Variants in DYNC1LI2 observed in about 807,000 individuals in gnomAD.
The protein encoded by DYNC1LI2 is dynein cytoplasmic 1 light intermediate chain 2.
In DYNC1LI2, 19 loss-of-function variants were observed where a neutral mutation model predicts 57.8. The observed-to-expected ratio is 0.33, with a 90% confidence interval of 0.23 to 0.48. The LOEUF (loss-of-function observed/expected upper bound fraction) is 0.48. DYNC1LI2 is among the 20% of genes least tolerant of loss of function. The probability of loss-of-function intolerance (pLI) is 0.99; values close to 1 mark genes in which losing one functional copy is unlikely to be tolerated. For missense variants in DYNC1LI2, 470 were observed against 604.2 expected (o/e 0.78, Z 2.33); for synonymous variants, 256 against 233.4 (o/e 1.10, Z -0.88).
intron 3 of DYNC1LI2, among the ~76,000 whole-genome samples, chr16:66,746,828 G>A (rs1435053507): frequency 6.6e-6 from 1 of 152,198 alleles, no homozygotes; most frequent in Non-Finnish European, 1.5e-5. Context: ...GTACAGAGTG[G>A]TTAAGTCAGT....
At chr16:66,745,455 T>G (rs946973504) in intron 3 of DYNC1LI2, among the ~76,000 whole-genome samples, 1 of 151,714 alleles carries the variant, frequency 6.6e-6, no homozygotes, top group East Asian at 2.0e-4. Flanking sequence ...TTTTTGTATT[T>G]TTAGTAGAAA....
intron 4 of DYNC1LI2, among the ~76,000 whole-genome samples, chr16:66,737,430 G>T (rs573216832): frequency 6.7e-6 from 1 of 149,442 alleles, no homozygotes; most frequent in Non-Finnish European, 1.5e-5. Context: ...AGGCTGAGGC[G>T]GGAGACTCAG....
At chr16:66,736,519 T>C (rs1324089496) in intron 4 of DYNC1LI2, among the ~76,000 whole-genome samples, 2 of 152,166 alleles carry the variant, frequency 1.3e-5, no homozygotes, top group African/African-American at 2.4e-5. Context: ...GGTTTTTTTT[T>C]CTTCTTTTTT....
intron 5 of DYNC1LI2, 102 bp downstream of exon 5, chr16:66,735,973 C>G (rs890670631): frequency 2.7e-6 from 4 of 1,459,038 alleles, no homozygotes; most frequent in African/African-American, 2.8e-5. Context: ...CAAATAAGCC[C>G]AAGTCTCCCT....
In DYNC1LI2 at chr16:66,732,446, C is replaced by G; in HGVS notation, c.822G>C (p.Val274=). ...ACAAGTCGAGGTTTTTCTCTTCTTT[C>G]ACTGATGTGTAAATCAAGGCAGCTC... The part of the protein sequence containing the change: ...QYGAALIYTS[V]KEEKNLDLLY... Residue 274 remains valine (V), a synonymous_variant, in exon 7 of 13, where the codon GTG becomes GTC. Transcript: ENST00000258198. The G allele has an allele frequency of 1.9e-6, 3 of 1,613,236 alleles. No homozygotes were observed. The highest frequency in any genetic ancestry group is 2.5e-6 in the Non-Finnish European group (3 of 1,179,944).
At position 66,730,071 on chromosome 16, in the gene DYNC1LI2, G is replaced by C. The variant is rs1252222953; in HGVS notation, c.1041+41C>G. 1.9e-6 allele frequency: 3 copies of C among 1,570,256 alleles called. No individual in the cohort carries two copies. The African/African-American group carries it at 4.1e-5, about 21-fold the overall frequency. On this transcript the variant is annotated intron_variant, in intron 8 of 12. Transcript: ENST00000258198. Reference sequence around the variant, plus strand: ...GCTGGGATTACAGGCATCAGCCACCGCGCCCGGCCCTAAACCCTTAAAGCA... The same window carrying C: ...GCTGGGATTACAGGCATCAGCCACCCCGCCCGGCCCTAAACCCTTAAAGCA...
intron 5 of DYNC1LI2, among the ~76,000 whole-genome samples, chr16:66,734,618 G>A (rs1194623967): frequency 6.6e-6 from 1 of 151,880 alleles, no homozygotes; most frequent in African/African-American, 2.4e-5. Flanking sequence ...CCACTCCACA[G>A]GGCTCCATTC....
In DYNC1LI2 at chr16:66,723,343, C is replaced by T. The variant is rs965104618; in HGVS notation, c.*379G>A. 4.3e-6 allele frequency: 2 copies of T among 461,026 alleles called. No individual in the cohort carries two copies. Among genetic ancestry groups the T allele is most frequent in the African/African-American group, 2.0e-5 (1 of 50,246 alleles). 28.6% of individuals were successfully genotyped at this position (461,026 alleles called of 1,614,324 possible). On this transcript the variant is annotated 3_prime_UTR_variant, in exon 13 of 13. Transcript: ENST00000258198. ...TGCTTCCCAAGAACAAGTGAATTTA[C>T]TAACATGAAACTGGTCAGACTAACC...
At chr16:66,736,348 T>TTG in intron 4 of DYNC1LI2, 104 bp from the exon 5 acceptor site, 1 of 1,363,268 alleles carries the variant, frequency 7.3e-7, no homozygotes, top group Non-Finnish European at 9.9e-7. Flanking sequence ...ACACAGGCAG[T>TTG]TGTGTGTGAC....
At chr16:66,728,966 C>T in intron 9 of DYNC1LI2, 74 bp downstream of exon 9, 1 of 1,528,796 alleles carries the variant, frequency 6.5e-7, no homozygotes, top group Admixed American at 1.7e-5. Flanking sequence ...CATGCAGACA[C>T]CCCCAACCCC....
In DYNC1LI2 at chr16:66,727,799, G is replaced by A. The variant is rs2017563416; in HGVS notation, c.1150C>T (p.Pro384Ser). ...GGAGAGCCAGAGGGTCCTCTTGCAG[G>A]AGATTCCTAAGTCCAAAAGCAGCTA... ...PATPTRASESPARGPSGSPRT... is the reference protein window; with the variant it reads ...PATPTRASESSARGPSGSPRT... Residue 384 changes from proline (P) to serine (S), a missense_variant, in exon 11 of 13, where the codon CCT (proline) becomes TCT (serine). By Grantham distance (74) the Pro-to-Ser change is moderately conservative. Coordinates refer to ENST00000258198, the MANE Select transcript of DYNC1LI2 (RefSeq NM_006141.3). 1 of 1,611,294 alleles carries A rather than the reference G, an allele frequency of 6.2e-7. No individual in the cohort carries two copies. Among genetic ancestry groups the A allele is most frequent in the East Asian group, 2.2e-5 (1 of 44,838 alleles).
At chr16:66,749,147 G>A in intron 3 of DYNC1LI2, 50 bp downstream of exon 3, 2 of 1,582,622 alleles carry the variant, frequency 1.3e-6, no homozygotes, top group Non-Finnish European at 1.7e-6. Flanking sequence ...CAAGGAAGCA[G>A]TCAGAGTCCT....
In DYNC1LI2 at chr16:66,734,285, C is replaced by T. The variant is rs774784410; in HGVS notation, c.726G>A (p.Lys242=). 2 of 1,614,148 alleles carry T rather than the reference C, an allele frequency of 1.2e-6. No homozygotes were observed. Among genetic ancestry groups the T allele is most frequent in the Non-Finnish European group, 1.7e-6 (2 of 1,180,012 alleles). Residue 242 remains lysine, a synonymous_variant, in exon 6 of 13, where the codon AAG becomes AAA. Coordinates refer to ENST00000258198, the MANE Select transcript of DYNC1LI2 (RefSeq NM_006141.3). ...TKCDAVSVLE[K]EHDYRDEHLD... is the part of the protein sequence containing the mutation. Reference sequence around the variant, plus strand: ...AATGCTCATCCCTGTAATCGTGCTCCTTCTCCAGGACACTCACCGCATCAC... The same window carrying T: ...AATGCTCATCCCTGTAATCGTGCTCTTTCTCCAGGACACTCACCGCATCAC...
chr16:66,748,892 C>T (rs1415949524), intron 3 of DYNC1LI2, among the ~76,000 whole-genome samples: 3 of 152,212 alleles, frequency 2.0e-5, no homozygotes, highest in African/African-American at 7.2e-5. Flanking sequence ...ATATAAAACT[C>T]CAAAGCTTTA....
intron 3 of DYNC1LI2, among the ~76,000 whole-genome samples, chr16:66,748,625 T>G (rs2017983683): frequency 1.3e-5 from 2 of 152,150 alleles, no homozygotes; most frequent in Admixed American, 1.3e-4. Flanking sequence ...GGCTTGAGTG[T>G]ATAACACAGC....
intron 12 of DYNC1LI2, among the ~76,000 whole-genome samples, chr16:66,724,207 C>T (rs1266324028): frequency 1.3e-5 from 2 of 152,166 alleles, no homozygotes; most frequent in African/African-American, 4.8e-5. Flanking sequence ...TTTCTTTGCC[C>T]CAGATAGGTG....
chr16:66,735,258 C>A (rs1040650399), intron 5 of DYNC1LI2, among the ~76,000 whole-genome samples: 1 of 151,610 alleles, frequency 6.6e-6, no homozygotes, highest in African/African-American at 2.4e-5. Context: ...CCTGCCACCA[C>A]GCCTGGCTAA....
chr16:66,727,109 G>A (rs2017550144), intron 11 of DYNC1LI2, among the ~76,000 whole-genome samples: 1 of 152,076 alleles, frequency 6.6e-6, no homozygotes, highest in Non-Finnish European at 1.5e-5. Context: ...GTAGAGGCGA[G>A]GTCTCACTAT....
Position 66,727,840 on chromosome 16 carries a change from A to G in DYNC1LI2, c.1144-35T>C, listed in dbSNP as rs376699636. 2.0e-5 allele frequency: 31 copies of G among 1,543,848 alleles called. No individual in the cohort carries two copies. The African/African-American group carries it at 3.4e-4, about 17-fold the overall frequency. On this transcript the variant is annotated intron_variant, in intron 10 of 12. Transcript: ENST00000258198. Reference sequence around the variant, plus strand: ...AAAGCAGCTAAGGTCACACACAGGCATAACAATAACAAAAAATACATATGC... The same window carrying G: ...AAAGCAGCTAAGGTCACACACAGGCGTAACAATAACAAAAAATACATATGC...
Sources: gnomAD v4.1 joint callset for allele counts (sites outside exome capture counted in the v4.1 genomes callset) on GRCh38, gnomAD v4.1.1 for gene constraint, MANE v1.5 for transcripts, NCBI Gene and HGNC (gene_info 2026-07-23, HGNC 2026-07-21) for gene names.